KLHL1: variants seen among roughly 807,000 people sequenced by gnomAD.
KLHL1 encodes the protein kelch like family member 1, also known as kelch-like protein 1.
A neutral mutation model predicts 77.7 loss-of-function variants in KLHL1; 47 were observed. That is an observed-to-expected ratio of 0.60 (90% CI 0.48 to 0.77). KLHL1 has a LOEUF of 0.77. Ranked by LOEUF, KLHL1 falls within the 30% of genes least tolerant of loss-of-function variation. The probability of loss-of-function intolerance (pLI) is 0.00; values close to 1 mark genes in which losing one functional copy is unlikely to be tolerated. For synonymous variants in KLHL1, 360 were observed against 325.2 expected, an observed-to-expected ratio of 1.11 and a Z score of -1.15; for missense variants, 925 against 910.8, an observed-to-expected ratio of 1.02 and a Z score of -0.20.
intron 8 of KLHL1, among the ~76,000 whole-genome samples, chr13:69,728,210 G>A (rs903951555): frequency 6.6e-6 from 1 of 151,886 alleles, no homozygotes; most frequent in Non-Finnish European, 1.5e-5. Flanking sequence ...TTGAGAAGAA[G>A]AATACCAAAA....
chr13:69,947,058 G>A (rs1361792011), intron 3 of KLHL1, among the ~76,000 whole-genome samples: 1 of 145,196 alleles, frequency 6.9e-6, no homozygotes, highest in Non-Finnish European at 1.5e-5. Flanking sequence ...GTGTGTGTGT[G>A]TGTGTGTGTG....
At chr13:69,741,118 A>G (rs9592652) in intron 7 of KLHL1, among the ~76,000 whole-genome samples, 16,728 of 152,200 alleles carry the variant, frequency 0.11, 1,024 homozygotes, top group African/African-American at 0.14. Context: ...TAAAGCTTAG[A>G]AAATATGACA....
At chr13:69,752,704 T>G (rs1293452977) in intron 7 of KLHL1, among the ~76,000 whole-genome samples, 4 of 151,942 alleles carry the variant, frequency 2.6e-5, no homozygotes, top group Admixed American at 2.6e-4. Context: ...GACCTGGGGG[T>G]TTAAAGGTTG....
At chr13:70,005,460 G>C (rs899796361) in intron 1 of KLHL1, among the ~76,000 whole-genome samples, 8 of 151,932 alleles carry the variant, frequency 5.3e-5, no homozygotes, top group Non-Finnish European at 1.2e-4. Flanking sequence ...AAAACATTTT[G>C]AAATTTGTTT....
At chr13:70,066,414 T>G (rs1009322248) in intron 1 of KLHL1, among the ~76,000 whole-genome samples, 1 of 152,050 alleles carries the variant, frequency 6.6e-6, no homozygotes, top group African/African-American at 2.4e-5. Context: ...ACATGTAGAG[T>G]GCAAATAGAA....
In KLHL1 at chr13:70,108,231, C is replaced by A. The variant is rs1423074130; in HGVS notation, c.-532G>T. On this transcript the variant is annotated 5_prime_UTR_variant, in exon 1 of 11. Transcript: ENST00000377844. ...GCCCCAAGTCTCGAGGAAGCGTACCCCTCGCCAGATCTCTTGGTGCACCTG... is the reference window on the plus strand; with the variant it reads ...GCCCCAAGTCTCGAGGAAGCGTACCACTCGCCAGATCTCTTGGTGCACCTG... 1 of 390,912 alleles carries A rather than the reference C, an allele frequency of 2.6e-6. No homozygotes were observed. The highest frequency in any genetic ancestry group is 4.5e-6 in the Non-Finnish European group (1 of 221,992). The allele number at this position is 390,912 out of a possible 1,614,324, so 24.2% of individuals were successfully genotyped here. A position where few individuals can be genotyped will look rare whatever the true frequency, so the allele number is the denominator to read the frequency against.
chr13:69,787,878 T>C (rs1876642448), intron 7 of KLHL1, among the ~76,000 whole-genome samples: 3 of 152,168 alleles, frequency 2.0e-5, no homozygotes, highest in South Asian at 4.1e-4. Context: ...AAAGAAGACA[T>C]TTATGCAGCC....
intron 9 of KLHL1, among the ~76,000 whole-genome samples, chr13:69,713,951 A>G (rs1875994557): frequency 6.6e-6 from 1 of 152,098 alleles, no homozygotes; most frequent in African/African-American, 2.4e-5. Flanking sequence ...ATGTTAGAAA[A>G]AAATCTCCTC....
chr13:70,015,111 T>C (rs371054554), intron 1 of KLHL1, among the ~76,000 whole-genome samples: 1 of 152,150 alleles, frequency 6.6e-6, no homozygotes, highest in Non-Finnish European at 1.5e-5. Context: ...CACACACATA[T>C]ACACATATGG....
chr13:69,944,885 A>C (rs985172492), intron 3 of KLHL1, among the ~76,000 whole-genome samples: 1 of 152,156 alleles, frequency 6.6e-6, no homozygotes, highest in African/African-American at 2.4e-5. Flanking sequence ...ATATGTGTAC[A>C]AAAACTTGTA....
At chr13:69,934,148 C>T (rs565479987) in intron 4 of KLHL1, among the ~76,000 whole-genome samples, 1 of 152,110 alleles carries the variant, frequency 6.6e-6, no homozygotes, top group Admixed American at 6.6e-5. Context: ...ATATTTAACA[C>T]CTAGAATTAT....
At chr13:69,807,926 C>G (rs1277978324) in intron 6 of KLHL1, among the ~76,000 whole-genome samples, 1 of 152,100 alleles carries the variant, frequency 6.6e-6, no homozygotes, top group Non-Finnish European at 1.5e-5. Flanking sequence ...ACTTGGGGGA[C>G]AGTGCTCCTT....
chr13:69,802,711 A>T (rs1056734624), intron 6 of KLHL1, among the ~76,000 whole-genome samples: 1 of 151,020 alleles, frequency 6.6e-6, no homozygotes, highest in African/African-American at 2.4e-5. Context: ...TCAATCGATC[A>T]CGACCCTCTC....
intron 1 of KLHL1, among the ~76,000 whole-genome samples, chr13:70,001,359 CATT>C (rs1208713209): frequency 1.3e-5 from 2 of 150,966 alleles, no homozygotes; most frequent in Non-Finnish European, 3.0e-5. Context: ...GAATTATCCT[CATT>C]AAAGAAAAAA....
In KLHL1 at chr13:69,997,483, C is replaced by T. The variant is rs563765145; in HGVS notation, c.498-21681G>A. Among the ~76,000 whole-genome samples, 32 of 151,130 alleles carry T rather than the reference C, an allele frequency of 2.1e-4. 1 individual carries two copies. Among genetic ancestry groups the T allele is most frequent in the Admixed American group, 8.6e-4 (13 of 15,148 alleles). ...CCCCATTTTCTCTCCCTTCTAGCCA[C>T]GGGAAACCACCGCTTTCCTCTGTTT... is the stretch of plus-strand genomic sequence containing the variant. On this transcript the variant is annotated intron_variant, in intron 1 of 10. Coordinates refer to ENST00000377844, the MANE Select transcript of KLHL1 (RefSeq NM_020866.3).
intron 5 of KLHL1, among the ~76,000 whole-genome samples, chr13:69,868,114 A>G (rs17085565): frequency 0.21 from 32,417 of 152,082 alleles, 5,530 homozygotes; most frequent in African/African-American, 0.48. Context: ...CTTGATTTTG[A>G]TTAAATACTT....
intron 5 of KLHL1, among the ~76,000 whole-genome samples, chr13:69,879,037 T>TTCTCATTCACA (rs1385136438): frequency 6.6e-6 from 1 of 151,890 alleles, no homozygotes; most frequent in African/African-American, 2.4e-5. Context: ...CATTCATAGG[T>TTCTCATTCACA]GGGAATTGAA....
intron 1 of KLHL1, among the ~76,000 whole-genome samples, chr13:70,049,032 T>G (rs1256083105): frequency 6.6e-6 from 1 of 152,234 alleles, no homozygotes; most frequent in Non-Finnish European, 1.5e-5. Context: ...TGTGATAGCT[T>G]AGCCATGTTT....
intron 4 of KLHL1, among the ~76,000 whole-genome samples, chr13:69,891,451 G>T (rs1178404694): frequency 6.6e-6 from 1 of 152,030 alleles, no homozygotes; most frequent in Admixed American, 6.6e-5. Flanking sequence ...TTAAGTATAT[G>T]TGATTCTATG....
Sources: gnomAD v4.1 joint callset for allele counts (sites outside exome capture counted in the v4.1 genomes callset) on GRCh38, gnomAD v4.1.1 for gene constraint, MANE v1.5 for transcripts, NCBI Gene and HGNC (gene_info 2026-07-23, HGNC 2026-07-21) for gene names.